DLG2: variants seen among roughly 807,000 people sequenced by gnomAD.
The protein encoded by DLG2 is disks large homolog 2.
In DLG2, 45 loss-of-function variants were observed where a neutral mutation model predicts 132.5. The ratio of observed to expected loss-of-function variants is 0.34; its 90% confidence interval spans 0.27 to 0.44. DLG2 has a LOEUF of 0.44. DLG2 is among the 20% of genes least tolerant of loss of function. The pLI, the probability that DLG2 is intolerant of heterozygous loss-of-function variation, is 1.00. For synonymous variants in DLG2, 424 were observed against 419.6 expected (o/e 1.01, Z -0.13); for missense variants, 1,045 against 1,196.9 (o/e 0.87, Z 1.87).
chr11:83,950,773 C>A (rs79556552), intron 14 of DLG2, among the ~76,000 whole-genome samples: 3,667 of 152,220 alleles, frequency 0.024, 146 homozygotes, highest in African/African-American at 0.084. Flanking sequence ...TTGTTCTTTT[C>A]CAATCTCAGT....
intron 3 of DLG2, among the ~76,000 whole-genome samples, chr11:85,448,439 C>G (rs1055207558): frequency 6.6e-6 from 1 of 152,082 alleles, no homozygotes; most frequent in Non-Finnish European, 1.5e-5. Flanking sequence ...ATTCATCAGG[C>G]TGGAATAATA....
Position 84,272,538 on chromosome 11 carries a change from T to G in DLG2, c.520-21247A>C, listed in dbSNP as rs542970279. Among the ~76,000 whole-genome samples, 25 of 152,314 alleles carry G rather than the reference T, an allele frequency of 1.6e-4. No individual in the cohort carries two copies. In the South Asian group the frequency reaches 5.2e-3, roughly 32 times the overall value. Reference sequence around the variant, plus strand: ...ATGTTGCCAGCCTGATTCCTCTGGTTAAATAAATTATAAACACAAACATTA... The same window carrying G: ...ATGTTGCCAGCCTGATTCCTCTGGTGAAATAAATTATAAACACAAACATTA... On this transcript the variant is annotated intron_variant, in intron 7 of 27. Transcript: ENST00000376104.
intron 7 of DLG2, among the ~76,000 whole-genome samples, chr11:84,479,101 A>G (rs2099129834): frequency 6.6e-6 from 1 of 152,082 alleles, no homozygotes; most frequent in Admixed American, 6.6e-5. Flanking sequence ...AGGAAAAGTG[A>G]CTTCTTTAAT....
At chr11:85,389,947 C>T (rs570988706) in intron 3 of DLG2, among the ~76,000 whole-genome samples, 1 of 151,854 alleles carries the variant, frequency 6.6e-6, no homozygotes, top group African/African-American at 2.4e-5. Flanking sequence ...AAAGCAACAA[C>T]ACAATGAAAA....
At chr11:83,995,800 T>G (rs559258439) in intron 11 of DLG2, among the ~76,000 whole-genome samples, 1 of 152,296 alleles carries the variant, frequency 6.6e-6, no homozygotes, top group South Asian at 2.1e-4. Flanking sequence ...GACCCCTAAC[T>G]ATTGCCATAT....
chr11:84,043,565 A>G (rs1302312101), intron 11 of DLG2, among the ~76,000 whole-genome samples: 2 of 151,686 alleles, frequency 1.3e-5, no homozygotes, highest in Non-Finnish European at 2.9e-5. Context: ...GCCCCAGTGT[A>G]TGTTGTTTCT....
chr11:84,403,643 C>T (rs1393783155), intron 7 of DLG2, among the ~76,000 whole-genome samples: 1 of 152,198 alleles, frequency 6.6e-6, no homozygotes, highest in Non-Finnish European at 1.5e-5. Flanking sequence ...ATGACGCCTA[C>T]TAGCTTACCC....
chr11:84,686,779 G>A (rs2099738606), intron 6 of DLG2: 1 of 151,980 alleles, frequency 6.6e-6, no homozygotes, highest in Non-Finnish European at 1.5e-5. Context: ...TCAAGAAAGA[G>A]ACTTGTGGTT....
intron 6 of DLG2, among the ~76,000 whole-genome samples, chr11:84,960,832 A>G (rs755913363): frequency 1.3e-5 from 2 of 152,118 alleles, no homozygotes; most frequent in Non-Finnish European, 2.9e-5. Context: ...GACAATGACA[A>G]TAGTTAAATA....
intron 22 of DLG2, among the ~76,000 whole-genome samples, chr11:83,479,493 T>G (rs571211326): frequency 6.6e-6 from 1 of 152,278 alleles, no homozygotes; most frequent in Non-Finnish European, 1.5e-5. Flanking sequence ...GCGTGCTTTT[T>G]GGGTAACCCA....
chr11:83,819,413 T>C (rs960590754), intron 17 of DLG2, among the ~76,000 whole-genome samples: 2 of 130,234 alleles, frequency 1.5e-5, no homozygotes, highest in South Asian at 2.4e-4. Context: ...GAGGTTGCAG[T>C]GATCCAAGAT....
intron 10 of DLG2, among the ~76,000 whole-genome samples, chr11:84,086,403 G>GT (rs1481026478): frequency 2.6e-5 from 4 of 151,094 alleles, no homozygotes; most frequent in Non-Finnish European, 4.4e-5. Context: ...ATAATTCAGT[G>GT]TTTTTTTAGT....
intron 7 of DLG2, among the ~76,000 whole-genome samples, chr11:84,365,488 G>A (rs1440785975): frequency 6.6e-6 from 1 of 151,886 alleles, no homozygotes; most frequent in Admixed American, 6.6e-5. Flanking sequence ...ATTTTTTGAA[G>A]GGTTTTTTAT....
At chr11:84,723,228 T>C (rs1023997583) in intron 6 of DLG2, among the ~76,000 whole-genome samples, 2 of 152,174 alleles carry the variant, frequency 1.3e-5, no homozygotes, top group South Asian at 2.1e-4. Context: ...TCTAACACAG[T>C]CTTTCCCTGA....
intron 6 of DLG2, among the ~76,000 whole-genome samples, chr11:85,101,364 CAATACAGTA>C (rs2070822560): frequency 6.6e-6 from 1 of 151,986 alleles, no homozygotes; most frequent in African/African-American, 2.4e-5. Context: ...ATTAAGAAGA[CAATACAGTA>C]AAATCATAGA....
intron 6 of DLG2, among the ~76,000 whole-genome samples, chr11:84,829,218 C>A (rs1411928213): frequency 6.6e-6 from 1 of 151,584 alleles, no homozygotes; most frequent in East Asian, 2.0e-4. Flanking sequence ...TCACATAGGA[C>A]TTGACCATGT....
At chr11:83,937,549 G>A (rs985309085) in intron 14 of DLG2, among the ~76,000 whole-genome samples, 12 of 144,096 alleles carry the variant, frequency 8.3e-5, no homozygotes, top group Admixed American at 3.5e-4. Context: ...ACTGAAGCAA[G>A]AACTCATAAA....
intron 6 of DLG2, among the ~76,000 whole-genome samples, chr11:84,623,196 T>C (rs369582596): frequency 7.2e-5 from 11 of 152,164 alleles, no homozygotes; most frequent in African/African-American, 2.2e-4. Context: ...CATCCTGAGT[T>C]TTCCTACCTA....
intron 4 of DLG2, among the ~76,000 whole-genome samples, chr11:85,264,805 G>T (rs1225224021): frequency 6.6e-6 from 1 of 152,158 alleles, no homozygotes; most frequent in Non-Finnish European, 1.5e-5. Flanking sequence ...AGGTCTCATG[G>T]ATGTAGCTTC....
Sources: allele counts gnomAD v4.1 joint callset (sites outside exome capture counted in the v4.1 genomes callset), GRCh38; gene constraint gnomAD v4.1.1; transcripts MANE v1.5; gene names NCBI Gene and HGNC (gene_info 2026-07-23, HGNC 2026-07-21).